Variants in PCDHA3 observed in about 807,000 individuals in gnomAD.
The protein encoded by PCDHA3 is protocadherin alpha 3.
Under a neutral mutation model 62.2 loss-of-function variants are expected in PCDHA3, and 41 were observed. That is an observed-to-expected ratio of 0.66 (90% CI 0.51 to 0.86). The LOEUF (loss-of-function observed/expected upper bound fraction) is 0.86. PCDHA3 is among the 40% of genes least tolerant of loss of function. The pLI is 0.00. For synonymous variants in PCDHA3, 640 were observed against 555.4 expected, an observed-to-expected ratio of 1.15 and a Z score of -2.14; for missense variants, 1,304 against 1,241.2, an observed-to-expected ratio of 1.05 and a Z score of -0.76.
chr5:140,935,985 C>G (rs155825), intron 1 of PCDHA3, among the ~76,000 whole-genome samples: 1 of 150,926 alleles, frequency 6.6e-6, no homozygotes, highest in Admixed American at 6.6e-5. Context: ...CTCTGCCTCC[C>G]GGGTTCAAGC....
intron 3 of PCDHA3, among the ~76,000 whole-genome samples, chr5:140,994,578 A>C (rs1563601392): frequency 6.6e-6 from 1 of 151,958 alleles, no homozygotes; most frequent in Non-Finnish European, 1.5e-5. Context: ...GGTGGCATGC[A>C]CTTGTAGTCT....
intron 1 of PCDHA3, among the ~76,000 whole-genome samples, chr5:140,976,553 A>G (rs1554237789): frequency 1.3e-5 from 2 of 152,074 alleles, no homozygotes; most frequent in Non-Finnish European, 2.9e-5. Context: ...CCTATCTCAT[A>G]AATAAATAAA....
At chr5:140,900,776 G>A (rs1407126944) in intron 1 of PCDHA3, among the ~76,000 whole-genome samples, 1 of 152,172 alleles carries the variant, frequency 6.6e-6, no homozygotes, top group Non-Finnish European at 1.5e-5. Flanking sequence ...GCTTTTTGAG[G>A]AAACTCCAAA....
Position 140,960,269 on chromosome 5 carries a change from G to A in PCDHA3, c.2395-18680G>A, listed in dbSNP as rs148980300. On this transcript the variant is annotated intron_variant, in intron 1 of 3. Transcript: ENST00000522353. ...CTTCCTGGAGCTTCTGATAAATTCC[G>A]TCACCTTTTTGGGACCCAGTTTCTT... is the stretch of plus-strand genomic sequence containing the variant. Among the ~76,000 whole-genome samples, 355 of 152,162 alleles carry A rather than the reference G, an allele frequency of 2.3e-3. 1 individual carries two copies. The highest frequency in any genetic ancestry group is 7.0e-3 in the African/African-American group (290 of 41,548).
At chr5:140,804,923 G>T in intron 1 of PCDHA3, 9 of 968,472 alleles carry the variant, frequency 9.3e-6, no homozygotes, top group East Asian at 3.0e-5. Context: ...TTCCTTTTTT[G>T]GCACTATCCT....
In PCDHA3 at chr5:140,834,300, C is replaced by A. The variant is rs111598234; in HGVS notation, c.2394+30709C>A. 3,027 of 1,283,790 alleles carry A rather than the reference C, an allele frequency of 2.4e-3. 46 individuals carry two copies. The African/African-American group carries it at 0.039, about 17-fold the overall frequency. 79.5% of individuals were successfully genotyped at this position (1,283,790 alleles called of 1,614,324 possible). On this transcript the variant is annotated intron_variant, in intron 1 of 3. Transcript: ENST00000522353. ...TGGATGCACAACAATGGCCACACATCGAGATTGAAATGAAGGGATAAAAAC... is the reference window on the plus strand; with the variant it reads ...TGGATGCACAACAATGGCCACACATAGAGATTGAAATGAAGGGATAAAAAC...
At chr5:140,851,689 TAA>T in intron 1 of PCDHA3, 1 of 934,422 alleles carries the variant, frequency 1.1e-6, no homozygotes, top group Non-Finnish European at 1.3e-6. Context: ...CATTCAGTGA[TAA>T]AATGATCAGC....
Position 140,851,002 on chromosome 5 carries a change from A to T in PCDHA3, c.2394+47411A>T. The stretch of plus-strand genomic sequence containing the variant: ...TTATTCATTTTTCTAGAAATCCAGC[A>T]GATTTTTTTTCTGATAAAGTAAACC... On this transcript the variant is annotated intron_variant, in intron 1 of 3. Coordinates refer to ENST00000522353, the MANE Select transcript of PCDHA3 (RefSeq NM_018906.3). 3 of 1,438,338 alleles carry T rather than the reference A, an allele frequency of 2.1e-6. No homozygotes were observed. In the East Asian group the frequency reaches 7.2e-5, roughly 35 times the overall value. 89.1% of individuals were successfully genotyped at this position (1,438,338 alleles called of 1,614,324 possible).
chr5:140,984,964 G>C (rs930753325), intron 3 of PCDHA3, among the ~76,000 whole-genome samples: 1 of 151,818 alleles, frequency 6.6e-6, no homozygotes, highest in Non-Finnish European at 1.5e-5. Context: ...TTGAGACAGA[G>C]TCTCGCTCTG....
At chr5:140,918,640 G>C (rs2078789038) in intron 1 of PCDHA3, among the ~76,000 whole-genome samples, 1 of 152,132 alleles carries the variant, frequency 6.6e-6, no homozygotes, top group Admixed American at 6.5e-5. Flanking sequence ...TTCATAAATT[G>C]AAACCTAATT....
Position 140,802,459 on chromosome 5 carries a change from A to T in PCDHA3, c.1262A>T (p.Tyr421Phe). The T allele has an allele frequency of 6.2e-7, 1 of 1,614,150 alleles. No homozygotes were observed. The highest frequency in any genetic ancestry group is 1.1e-5 in the South Asian group (1 of 91,086). The change falls in exon 1 of 4, where the codon TAT (tyrosine) becomes TTT (phenylalanine). Residue 421 changes from tyrosine (Y) to phenylalanine (F), a missense_variant. Tyr to Phe is a conservative substitution (Grantham distance 22, BLOSUM62 3). Transcript: ENST00000522353. ...SPLDRESVSA[Y>F]ELVVTARDGG... ...CTGGACCGCGAGAGCGTGTCGGCCT[A>T]TGAGCTGGTGGTGACTGCTCGGGAC... is the stretch of plus-strand genomic sequence containing the variant.
intron 1 of PCDHA3, among the ~76,000 whole-genome samples, chr5:140,820,975 A>G (rs1766869804): frequency 6.6e-6 from 1 of 152,154 alleles, no homozygotes; most frequent in South Asian, 2.1e-4. Flanking sequence ...TACAAAAAGT[A>G]GATAGGTGTT....
At chr5:140,846,526 C>T (rs1554141357) in intron 1 of PCDHA3, among the ~76,000 whole-genome samples, 1 of 148,306 alleles carries the variant, frequency 6.7e-6, no homozygotes, top group Non-Finnish European at 1.5e-5. Context: ...AGGTGCATGC[C>T]ACCATGCCCT....
At chr5:140,882,909 C>A in intron 1 of PCDHA3, 2 of 1,614,172 alleles carry the variant, frequency 1.2e-6, no homozygotes, top group Non-Finnish European at 1.7e-6. Context: ...TTACTGACAG[C>A]CAGTGATGGA....
At chr5:141,003,221 G>A (rs2098116088) in intron 3 of PCDHA3, among the ~76,000 whole-genome samples, 1 of 152,206 alleles carries the variant, frequency 6.6e-6, no homozygotes, top group Admixed American at 6.5e-5. Flanking sequence ...GCATGAAAGA[G>A]GAAAGCTGGA....
intron 1 of PCDHA3, chr5:140,828,401 A>C: frequency 2.5e-6 from 4 of 1,614,288 alleles, no homozygotes; most frequent in Non-Finnish European, 3.4e-6. Context: ...GGAGTGCAGC[A>C]TCCACCTGGA....
At chr5:140,969,010 A>C (rs782688503) in intron 1 of PCDHA3, 2 of 1,614,168 alleles carry the variant, frequency 1.2e-6, no homozygotes, top group Admixed American at 3.3e-5. Context: ...TCTGTGGAGT[A>C]AGGGAAAGGT....
intron 1 of PCDHA3, chr5:140,808,624 G>A: frequency 6.2e-7 from 1 of 1,613,680 alleles, no homozygotes; most frequent in Non-Finnish European, 8.5e-7. Flanking sequence ...CTGTGTCTGC[G>A]TGGGACGCGG....
At chr5:140,833,769 G>A (rs2150211252) in intron 1 of PCDHA3, among the ~76,000 whole-genome samples, 5,218 of 144,902 alleles carry the variant, frequency 0.036, 318 homozygotes, top group African/African-American at 0.13. Context: ...CACACACACC[G>A]CTTTCTAAGT....
Sources: allele counts gnomAD v4.1 joint callset (sites outside exome capture counted in the v4.1 genomes callset), GRCh38; gene constraint gnomAD v4.1.1; transcripts MANE v1.5; gene names NCBI Gene and HGNC (gene_info 2026-07-23, HGNC 2026-07-21).